Variants in CD34 observed in about 807,000 individuals in gnomAD.
CD34 encodes CD34 molecule.
A neutral mutation model predicts 40.1 loss-of-function variants in CD34; 34 were observed. That is an observed-to-expected ratio of 0.85 (90% CI 0.65 to 1.13). CD34 has a LOEUF of 1.13. Ranked by LOEUF, CD34 falls within the 50% of genes most tolerant of loss-of-function variation. CD34 has a pLI of 0.00. For synonymous variants in CD34, 209 were observed against 190.0 expected (o/e 1.10, Z -0.82); for missense variants, 426 against 466.9 (o/e 0.91, Z 0.81).
intron 7 of CD34, 66 bp from the exon 8 acceptor site, chr1:207,887,989 G>C (rs1011942356): frequency 1.3e-6 from 2 of 1,568,704 alleles, no homozygotes; most frequent in South Asian, 2.3e-5. Context: ...GGATGGGAGA[G>C]GGGCCCAAAC....
Position 207,899,158 on chromosome 1 carries a change from G to A in CD34, c.331C>T (p.Gln111Ter). ...GTGCTGATTACAGAGGTCTGTGACT[G>A]GACAGAAGAGTTTGTGTTTCCATAA... ...SVYGNTNSSV[Q>*]SQTSVISTVF... The change falls in exon 3 of 8, where the codon CAG (glutamine) becomes TAG (stop). Residue 111 changes from glutamine to a stop codon, truncating the protein, a stop_gained. Transcript: ENST00000310833. LOFTEE classifies it high-confidence loss of function. 6.2e-7 allele frequency: 1 copy of A among 1,614,072 alleles called. No homozygotes were observed. The highest frequency in any genetic ancestry group is 1.1e-5 in the South Asian group (1 of 91,080).
At chr1:207,899,551 T>C (rs796955780) in intron 2 of CD34, among the ~76,000 whole-genome samples, 1 of 152,124 alleles carries the variant, frequency 6.6e-6, no homozygotes, top group South Asian at 2.1e-4. Context: ...CCTTATTTTA[T>C]CACTAAGCTA....
At chr1:207,900,558 T>C (rs954028803) in intron 1 of CD34, among the ~76,000 whole-genome samples, 1 of 152,222 alleles carries the variant, frequency 6.6e-6, no homozygotes, top group African/African-American at 2.4e-5. Flanking sequence ...CTAGACTCAC[T>C]GTCTCTATGC....
intron 4 of CD34, 83 bp downstream of exon 4, chr1:207,897,410 C>T (rs1662171963): frequency 9.7e-7 from 1 of 1,027,668 alleles, no homozygotes. Flanking sequence ...CCAGTGCAAT[C>T]CAAGAAGGTT....
chr1:207,891,098 G>A (rs1411089393), intron 4 of CD34, among the ~76,000 whole-genome samples: 1 of 152,046 alleles, frequency 6.6e-6, no homozygotes, highest in Non-Finnish European at 1.5e-5. Context: ...GGCTTCTGAA[G>A]TATCTCCAGT....
chr1:207,909,065 A>G (rs1056011875), intron 1 of CD34, among the ~76,000 whole-genome samples: 1 of 152,194 alleles, frequency 6.6e-6, no homozygotes, highest in Non-Finnish European at 1.5e-5. Flanking sequence ...AAATCCAAGC[A>G]AAAACCCTAG....
chr1:207,911,032 A>G lies in CD34; in HGVS notation c.49T>C (p.Trp17Arg). The G allele has an allele frequency of 5.6e-6, 9 of 1,593,530 alleles. No homozygotes were observed. The highest frequency in any genetic ancestry group is 1.1e-5 in the South Asian group (1 of 88,660). The part of the protein sequence containing the change: ...ARAGPRMPRG[W>R]TALCLLSLLP... ...AAACTCAGCAAGCAAAGCGCGGTCC[A>G]GCCCCGCGGCATCCTGGGCCCTGCG... Residue 17 changes from tryptophan (W) to arginine (R), a missense_variant, in exon 1 of 8, where the codon TGG (tryptophan) becomes CGG (arginine). By Grantham distance (101) the Trp-to-Arg change is moderately radical (BLOSUM62 -3). Transcript: ENST00000310833.
Position 207,884,169 on chromosome 1 carries a change from T to G in CD34, c.*3569A>C, listed in dbSNP as rs1238560425. The G allele has an allele frequency of 6.6e-6, 1 of 152,208 alleles. No homozygotes were observed. The highest frequency in any genetic ancestry group is 2.4e-5 in the African/African-American group (1 of 41,444). 9.4% of individuals were successfully genotyped at this position (152,208 alleles called of 1,614,324 possible). ...GTCCTTTCCCCTGTGTGGGATAATC[T>G]CTCCCAGCTTGGCATACAACCTGCT... On this transcript the variant is annotated 3_prime_UTR_variant, in exon 8 of 8. Transcript: ENST00000310833.
At chr1:207,899,333 G>A (rs1662222423) in intron 2 of CD34, 107 bp from the exon 3 acceptor site, 1 of 1,228,318 alleles carries the variant, frequency 8.1e-7, no homozygotes, top group Non-Finnish European at 1.2e-6. Context: ...AGGGAGTTTG[G>A]GGAGTTAACA....
chr1:207,888,916 C>T, intron 6 of CD34, 70 bp from the exon 7 acceptor site: 1 of 1,434,792 alleles, frequency 7.0e-7, no homozygotes, highest in Non-Finnish European at 9.7e-7. Context: ...CTCCAGCCCT[C>T]TGTGTGTGAC....
intron 4 of CD34, among the ~76,000 whole-genome samples, chr1:207,891,802 A>G (rs1662043427): frequency 6.6e-6 from 1 of 151,236 alleles, no homozygotes; most frequent in Non-Finnish European, 1.5e-5. Flanking sequence ...AGATGAAGAA[A>G]TGGAGGCGTG....
chr1:207,889,560 G>A lies in CD34; in HGVS notation c.659C>T (p.Ala220Val), dbSNP rs1394443035. ...LARVLCGEEQ[A>V]DADAGAQVCS... Reference sequence around the variant, plus strand: ...TACCTGGGCCCCAGCATCAGCATCAGCCTGCTCCTCCCCACACAGCACTCG... The same window carrying A: ...TACCTGGGCCCCAGCATCAGCATCAACCTGCTCCTCCCCACACAGCACTCG... The change falls in exon 5 of 8, where the codon GCT becomes GTT. Residue 220 changes from alanine to valine, a missense_variant. Transcript: ENST00000310833. 6.2e-7 allele frequency: 1 copy of A among 1,614,140 alleles called. No individual in the cohort carries two copies. The highest frequency in any genetic ancestry group is 1.1e-5 in the South Asian group (1 of 91,078).
At chr1:207,910,316 C>T (rs1017128939) in intron 1 of CD34, among the ~76,000 whole-genome samples, 2 of 152,096 alleles carry the variant, frequency 1.3e-5, no homozygotes, top group South Asian at 4.1e-4. Flanking sequence ...CGAGGCTGGG[C>T]GCAGAGCAAA....
Position 207,882,602 on chromosome 1 carries a change from G to C in CD34, c.*5136C>G, listed in dbSNP as rs781381012. On this transcript the variant is annotated 3_prime_UTR_variant, in exon 8 of 8. Coordinates refer to ENST00000310833, the MANE Select transcript of CD34 (RefSeq NM_001025109.2). ...AAACATGCTTTAATGAGCAATTGCA[G>C]CATGCTTGAAACAAAAGAACAGAAA... 22 of 152,186 alleles carry C rather than the reference G, an allele frequency of 1.4e-4. No homozygotes were observed. The highest frequency in any genetic ancestry group is 2.5e-4 in the Non-Finnish European group (17 of 68,030). The allele number at this position is 152,186 out of a possible 1,614,324, so 9.4% of individuals were successfully genotyped here.
chr1:207,885,237 T>A lies in CD34; in HGVS notation c.*2501A>T, dbSNP rs1233264352. On this transcript the variant is annotated 3_prime_UTR_variant, in exon 8 of 8. Coordinates refer to ENST00000310833, the MANE Select transcript of CD34 (RefSeq NM_001025109.2). ...CTGAGGCTGAGCAGTAGGACCTCAATAAGGCCAGCAGGTGGCGCCATTGCT... is the reference window on the plus strand; with the variant it reads ...CTGAGGCTGAGCAGTAGGACCTCAAAAAGGCCAGCAGGTGGCGCCATTGCT... The A allele has an allele frequency of 6.6e-6, 1 of 152,056 alleles. No individual in the cohort carries two copies. The highest frequency in any genetic ancestry group is 1.5e-5 in the Non-Finnish European group (1 of 68,018). 9.4% of individuals were successfully genotyped at this position (152,056 alleles called of 1,614,324 possible). A position where few individuals can be genotyped will look rare whatever the true frequency, so the allele number is the denominator to read the frequency against.
At chr1:207,908,107 A>G (rs1448517764) in intron 1 of CD34, among the ~76,000 whole-genome samples, 3 of 152,076 alleles carry the variant, frequency 2.0e-5, no homozygotes, top group Non-Finnish European at 4.4e-5. Flanking sequence ...TTTGTTCCTC[A>G]TTTTCATTTG....
rs570352488 is a variant in CD34 at position 207,886,979 on chromosome 1, A to G, written c.*759T>C. ...AGGCTCAGCTCCAAGACCTGGTCCC[A>G]TGGTCCTGCCTACTTTGATCCAGAG... On this transcript the variant is annotated 3_prime_UTR_variant, in exon 8 of 8. Transcript: ENST00000310833. 1.3e-5 allele frequency: 2 copies of G among 152,630 alleles called. No homozygotes were observed. Among genetic ancestry groups the G allele is most frequent in the Admixed American group, 6.5e-5 (1 of 15,298 alleles). The allele number at this position is 152,630 out of a possible 1,614,324, so 9.5% of individuals were successfully genotyped here.
chr1:207,907,600 T>C (rs1386937112), intron 1 of CD34, among the ~76,000 whole-genome samples: 1 of 152,192 alleles, frequency 6.6e-6, no homozygotes, highest in Admixed American at 6.5e-5. Context: ...CCAAAGGCCT[T>C]TTCCGTTGCA....
chr1:207,883,358 G>GA lies in CD34; in HGVS notation c.*4379_*4380insT, dbSNP rs1661840215. Reference sequence around the variant, plus strand: ...TCAGAAACCACCTGTTCATGACCCAGTCTCAGATCTTCTCAGCTGGAAAGG... The same window carrying GA: ...TCAGAAACCACCTGTTCATGACCCAGATCTCAGATCTTCTCAGCTGGAAAGG... On this transcript the variant is annotated 3_prime_UTR_variant, in exon 8 of 8. Transcript: ENST00000310833. 2 of 152,162 alleles carry GA rather than the reference G, an allele frequency of 1.3e-5. No homozygotes were observed. The highest frequency in any genetic ancestry group is 1.3e-4 in the Admixed American group (2 of 15,286). 9.4% of individuals were successfully genotyped at this position (152,162 alleles called of 1,614,324 possible). A position where few individuals can be genotyped will look rare whatever the true frequency, so the allele number is the denominator to read the frequency against.
Sources: gnomAD v4.1 joint callset for allele counts (sites outside exome capture counted in the v4.1 genomes callset) on GRCh38, gnomAD v4.1.1 for gene constraint, MANE v1.5 for transcripts, NCBI Gene and HGNC (gene_info 2026-07-23, HGNC 2026-07-21) for gene names.